TP53BP2: variants seen among roughly 807,000 people sequenced by gnomAD.
TP53BP2 encodes tumor protein p53 binding protein 2, also known as apoptosis-stimulating of p53 protein 2.
TP53BP2 carries 62 observed loss-of-function variants against 126.2 expected under a neutral mutation model. That is an observed-to-expected ratio of 0.49 (90% confidence interval 0.40 to 0.61). The LOEUF is 0.61. Ranked by LOEUF, TP53BP2 falls within the 20% of genes least tolerant of loss-of-function variation. TP53BP2 has a pLI of 0.00. For synonymous variants in TP53BP2, 485 were observed against 502.9 expected (o/e 0.96, Z 0.48); for missense variants, 1,215 against 1,402.8 (o/e 0.87, Z 2.14).
At chr1:223,830,729 A>G (rs1277625731) in intron 1 of TP53BP2, among the ~76,000 whole-genome samples, 9 of 152,210 alleles carry the variant, frequency 5.9e-5, no homozygotes, top group Admixed American at 5.9e-4. Flanking sequence ...TCCTGTAAGT[A>G]TAAATAGAGT....
intron 1 of TP53BP2, among the ~76,000 whole-genome samples, chr1:223,824,275 A>G (rs974359034): frequency 6.6e-6 from 1 of 152,224 alleles, no homozygotes; most frequent in East Asian, 1.9e-4. Flanking sequence ...CATTTATTTA[A>G]AAGTACAATT....
At chr1:223,817,484 C>T (rs1179968864) in intron 2 of TP53BP2, among the ~76,000 whole-genome samples, 1 of 151,986 alleles carries the variant, frequency 6.6e-6, no homozygotes, top group African/African-American at 2.4e-5. Flanking sequence ...TGGCATCCAC[C>T]CCCTAGAGAA....
rs10158508 is a variant in TP53BP2 at position 223,780,614 on chromosome 1, C to T, written c.*239G>A. 9.3e-3 allele frequency: 4,776 copies of T among 515,804 alleles called. 173 individuals carry two copies. Among genetic ancestry groups the T allele is most frequent in the African/African-American group, 0.083 (4,312 of 51,796 alleles). The allele number at this position is 515,804 out of a possible 1,614,324, so 32.0% of individuals were successfully genotyped here. ...GCTGTATACTTATCTGAGTGCTACA[C>T]GGGACACCTTTGCCCCAACACAGTA... is the stretch of plus-strand genomic sequence containing the variant. On this transcript the variant is annotated 3_prime_UTR_variant, in exon 18 of 18. Coordinates refer to ENST00000343537, the MANE Select transcript of TP53BP2 (RefSeq NM_001031685.3).
chr1:223,821,513 G>A, intron 1 of TP53BP2, 146 bp from the exon 2 acceptor site: 1 of 1,090,394 alleles, frequency 9.2e-7, no homozygotes, highest in Non-Finnish European at 1.4e-6. Context: ...CAAAGGTGAG[G>A]TGTGGACTGG....
chr1:223,792,533 A>G lies in TP53BP2; in HGVS notation c.2863-11T>C, dbSNP rs1662186747. On this transcript the variant is annotated splice_polypyrimidine_tract_variant and intron_variant, in intron 14 of 17. Coordinates refer to ENST00000343537, the MANE Select transcript of TP53BP2 (RefSeq NM_001031685.3). ...GCTTGGGTCATCAACCTATATCAAG[A>G]AGAAGGGTGAGCATCACTCTAGTTT... 6.2e-7 allele frequency: 1 copy of G among 1,613,472 alleles called. No homozygotes were observed. The highest frequency in any genetic ancestry group is 1.7e-5 in the Admixed American group (1 of 59,978).
Position 223,798,475 on chromosome 1 carries a change from G to C in TP53BP2, c.1688C>G (p.Pro563Arg), listed in dbSNP as rs770623754. 1.9e-6 allele frequency: 3 copies of C among 1,614,126 alleles called. No homozygotes were observed. The East Asian group carries it at 6.7e-5, about 36-fold the overall frequency. The part of the protein sequence containing the change: ...AGQQPRVLLS[P>R]SIPSVGQDQT... ...GTCTTGGCCAACCGAAGGTATGCTGGGAGATAGCAGCACTCTCGGCTGCTG... is the reference window on the plus strand; with the variant it reads ...GTCTTGGCCAACCGAAGGTATGCTGCGAGATAGCAGCACTCTCGGCTGCTG... Residue 563 changes from proline (P) to arginine (R), a missense_variant, in exon 12 of 18, where the codon CCC (proline) becomes CGC (arginine). By Grantham distance (103) the Pro-to-Arg change is moderately radical (BLOSUM62 -2). This residue lies in a region of TP53BP2 where 814 missense variants were observed against 853.0 expected (regional missense o/e 0.95). Coordinates refer to ENST00000343537, the MANE Select transcript of TP53BP2 (RefSeq NM_001031685.3).
intron 1 of TP53BP2, among the ~76,000 whole-genome samples, chr1:223,833,321 A>AT (rs983827197): frequency 3.3e-5 from 5 of 152,134 alleles, no homozygotes; most frequent in Non-Finnish European, 5.9e-5. Flanking sequence ...TATTCAAAGG[A>AT]TTTTTTTTAC....
At chr1:223,812,814 G>A (rs1031924962) in intron 3 of TP53BP2, among the ~76,000 whole-genome samples, 1 of 152,056 alleles carries the variant, frequency 6.6e-6, no homozygotes, top group African/African-American at 2.4e-5. Context: ...CTCCCGCCTC[G>A]TCCTCCCAAA....
At chr1:223,828,459 A>G (rs1030546566) in intron 1 of TP53BP2, among the ~76,000 whole-genome samples, 3 of 152,208 alleles carry the variant, frequency 2.0e-5, no homozygotes, top group Admixed American at 6.5e-5. Flanking sequence ...AAATAACCAC[A>G]TACCATTCTT....
At chr1:223,845,154 CT>C (rs1664222336) in intron 1 of TP53BP2, 1 of 765,922 alleles carries the variant, frequency 1.3e-6, no homozygotes, top group Non-Finnish European at 1.6e-6. Context: ...ACCAAAACCC[CT>C]TTCCACAAAG....
chr1:223,792,618 A>C, intron 14 of TP53BP2, 96 bp from the exon 15 acceptor site: 9 of 1,213,408 alleles, frequency 7.4e-6, no homozygotes, highest in Non-Finnish European at 9.3e-6. Flanking sequence ...ACAGAAATGG[A>C]CTCTTGTGAC....
At chr1:223,795,652 T>C (rs554794501) in intron 13 of TP53BP2, among the ~76,000 whole-genome samples, 163 bp downstream of exon 13, 1 of 152,220 alleles carries the variant, frequency 6.6e-6, no homozygotes, top group Non-Finnish European at 1.5e-5. Flanking sequence ...AAAATGTTCT[T>C]TATATTGAAT....
chr1:223,840,688 T>C (rs1664073577), intron 1 of TP53BP2, among the ~76,000 whole-genome samples: 1 of 148,772 alleles, frequency 6.7e-6, no homozygotes, highest in South Asian at 2.1e-4. Context: ...AAGAAAGTTT[T>C]GTTTTATTGT....
At chr1:223,800,883 CTTT>C in intron 9 of TP53BP2, 73 bp from the exon 10 acceptor site, 2 of 1,050,356 alleles carry the variant, frequency 1.9e-6, no homozygotes, top group Non-Finnish European at 2.8e-6. Context: ...ACTGCTAAGA[CTTT>C]TAATCTCTAA....
rs12022920 is a variant in TP53BP2, at chr1:223,807,068, G to A, written c.373-121C>T. 5.3e-3 allele frequency: 3,246 copies of A among 616,998 alleles called. 139 individuals are homozygous for A. The East Asian group carries it at 0.085, about 16-fold the overall frequency. 38.2% of individuals were successfully genotyped at this position (616,998 alleles called of 1,614,324 possible). A position where few individuals can be genotyped will look rare whatever the true frequency, so the allele number is the denominator to read the frequency against. ...ACCAACTATGACAAAATTATTTAGC[G>A]ATTTTTCTTTCATAATATCAAGCAG... On this transcript the variant is annotated intron_variant, in intron 4 of 17. Coordinates refer to ENST00000343537, the MANE Select transcript of TP53BP2 (RefSeq NM_001031685.3).
At chr1:223,823,137 G>A (rs990821620) in intron 1 of TP53BP2, among the ~76,000 whole-genome samples, 1 of 152,156 alleles carries the variant, frequency 6.6e-6, no homozygotes, top group African/African-American at 2.4e-5. Flanking sequence ...TATACCCTAT[G>A]ACCACAATGA....
In TP53BP2 at chr1:223,837,163, G is replaced by GGC. The variant is rs1553264325; in HGVS notation, c.27+8489_27+8490dup. On this transcript the variant is annotated intron_variant, in intron 1 of 17. Transcript: ENST00000343537. ...TTAAAATTAAAAAAAAAAGGGGGGG[G>GGC]GCGGGGGGTCAAGGAACTTTTAGGT... Among the ~76,000 whole-genome samples the GGC allele has an allele frequency of 4.8e-5, 6 of 124,918 alleles. No homozygotes were observed. In the South Asian group the frequency reaches 8.2e-4, roughly 17 times the overall value. The allele number at this position is 124,918 out of a possible 152,430, so 82.0% of individuals were successfully genotyped here.
Position 223,814,322 on chromosome 1 carries a change from A to T in TP53BP2, c.207T>A (p.Phe69Leu). The change falls in exon 3 of 18, where the codon TTT becomes TTA. Residue 69 changes from phenylalanine to leucine, a missense_variant. By Grantham distance (22) the Phe-to-Leu change is conservative (BLOSUM62 0). This residue lies in a region of TP53BP2 where 814 missense variants were observed against 853.0 expected (regional missense o/e 0.95). Transcript: ENST00000343537. ...GACTTCCAAATCGTTGAAGAACATC[A>T]AACATTCGCTCATTATCCGCAACTG... is the stretch of plus-strand genomic sequence containing the variant. ...ERPVADNERM[F>L]DVLQRFGSQR... 1 of 1,613,898 alleles carries T rather than the reference A, an allele frequency of 6.2e-7. No homozygotes were observed. Among genetic ancestry groups the T allele is most frequent in the African/African-American group, 1.3e-5 (1 of 75,076 alleles).
chr1:223,834,866 T>A, intron 1 of TP53BP2: 5 of 985,380 alleles, frequency 5.1e-6, no homozygotes, highest in Non-Finnish European at 6.0e-6. Flanking sequence ...TTTGCTTCTC[T>A]GACAACCATT....
Sources: allele counts gnomAD v4.1 joint callset (sites outside exome capture counted in the v4.1 genomes callset), GRCh38; gene constraint gnomAD v4.1.1; regional missense constraint gnomAD v4.1.1; transcripts MANE v1.5; gene names NCBI Gene and HGNC (gene_info 2026-07-23, HGNC 2026-07-21).